SCIN: variants seen among roughly 807,000 people sequenced by gnomAD.
SCIN encodes adseverin.
In SCIN, 91 loss-of-function variants were observed where a neutral mutation model predicts 91.8. The observed-to-expected ratio is 0.99, with a 90% CI of 0.84 to 1.18. The LOEUF is 1.18. Ranked by LOEUF, SCIN falls within the 50% of genes most tolerant of loss-of-function variation. SCIN has a pLI of 0.00. For synonymous variants in SCIN, 367 were observed against 312.6 expected (o/e 1.17, Z -1.84); for missense variants, 1,087 against 863.9 (o/e 1.26, Z -3.24).
rs1415297514 is a variant in SCIN at position 12,645,042 on chromosome 7, G to A, written c.1881+337G>A. Among the ~76,000 whole-genome samples the A allele has an allele frequency of 3.8e-5, 5 of 133,236 alleles. No individual in the cohort carries two copies. In the East Asian group the frequency reaches 8.7e-4, roughly 23 times the overall value. 87.4% of individuals were successfully genotyped at this position (133,236 alleles called of 152,430 possible). A position where few individuals can be genotyped will look rare whatever the true frequency, so the allele number is the denominator to read the frequency against. ...TTAAAAAAAAAAAAAAAAAAGGGCC[G>A]GGCGCGGTGGCTCATGCCTGTAATC... On this transcript the variant is annotated intron_variant, in intron 13 of 15. Transcript: ENST00000297029.
chr7:12,638,248 T>C (rs979699444), intron 10 of SCIN, among the ~76,000 whole-genome samples: 1 of 152,204 alleles, frequency 6.6e-6, no homozygotes, highest in African/African-American at 2.4e-5. Flanking sequence ...TACTTTCTTG[T>C]TCCTTTTTCC....
In SCIN at chr7:12,658,443, A is replaced by G. The variant is rs1784207992; in HGVS notation, c.*5728A>G. On this transcript the variant is annotated 3_prime_UTR_variant, in exon 16 of 16. Coordinates refer to ENST00000297029, the MANE Select transcript of SCIN (RefSeq NM_001112706.3). ...TGTAGGTGAAAATCTCTCCTAATGCATTCCCTTTCCAACGAACCTGAGCCT... is the reference window on the plus strand; with the variant it reads ...TGTAGGTGAAAATCTCTCCTAATGCGTTCCCTTTCCAACGAACCTGAGCCT... 1 of 152,212 alleles carries G rather than the reference A, an allele frequency of 6.6e-6. No individual in the cohort carries two copies. Among genetic ancestry groups the G allele is most frequent in the Non-Finnish European group, 1.5e-5 (1 of 68,034 alleles). The allele number at this position is 152,212 out of a possible 1,614,324, so 9.4% of individuals were successfully genotyped here. A position where few individuals can be genotyped will look rare whatever the true frequency, so the allele number is the denominator to read the frequency against.
At chr7:12,571,406 A>G in intron 1 of SCIN, 1 of 337,990 alleles carries the variant, frequency 3.0e-6, no homozygotes, top group South Asian at 2.6e-5. Flanking sequence ...AGGAAGTCAT[A>G]AAGTCTGGGG....
intron 1 of SCIN, chr7:12,571,512 C>T (rs773374032): frequency 1.7e-5 from 7 of 405,386 alleles, no homozygotes; most frequent in Admixed American, 3.5e-5. Context: ...TCTATGATTG[C>T]GGGAATTATT....
At chr7:12,649,115 G>GA (rs1784027672) in intron 13 of SCIN, among the ~76,000 whole-genome samples, 4 of 152,092 alleles carry the variant, frequency 2.6e-5, no homozygotes, top group African/African-American at 9.7e-5. Flanking sequence ...CTAATTATTT[G>GA]CAGAAAAAAA....
At position 12,570,749 on chromosome 7, in the gene SCIN, G is replaced by A. The variant is rs1305068382; in HGVS notation, c.-38G>A. 5.8e-6 allele frequency: 9 copies of A among 1,541,862 alleles called. No individual in the cohort carries two copies. Among genetic ancestry groups the A allele is most frequent in the Middle Eastern group, 1.7e-4 (1 of 5,982 alleles). ...GCTCTCGGTTTAGTCCAAGATCAGC[G>A]ATATCACGCGTCCCCCGGAGCATCG... is the stretch of plus-strand genomic sequence containing the variant. On this transcript the variant is annotated 5_prime_UTR_variant, in exon 1 of 16. Coordinates refer to ENST00000297029, the MANE Select transcript of SCIN (RefSeq NM_001112706.3).
At chr7:12,582,148 C>T (rs1220850198) in intron 3 of SCIN, among the ~76,000 whole-genome samples, 1 of 152,184 alleles carries the variant, frequency 6.6e-6, no homozygotes, top group East Asian at 1.9e-4. Context: ...ATGGAATTTG[C>T]TCAAGGTTGC....
intron 4 of SCIN, among the ~76,000 whole-genome samples, chr7:12,606,443 T>C (rs923130125): frequency 1.3e-5 from 2 of 152,196 alleles, no homozygotes; most frequent in African/African-American, 4.8e-5. Flanking sequence ...AATCCAGTGA[T>C]CAGAAATTAT....
intron 4 of SCIN, among the ~76,000 whole-genome samples, chr7:12,621,406 G>A (rs1283717880): frequency 6.6e-6 from 1 of 152,110 alleles, no homozygotes; most frequent in Admixed American, 6.6e-5. Context: ...GGGAATTGTG[G>A]TCTGAAAATT....
At chr7:12,640,632 A>T (rs1783840075) in intron 11 of SCIN, 115 bp downstream of exon 11, 2 of 924,910 alleles carry the variant, frequency 2.2e-6, no homozygotes, top group Admixed American at 8.0e-5. Flanking sequence ...TCATTCCTAT[A>T]ATTAATCCAC....
intron 5 of SCIN, among the ~76,000 whole-genome samples, chr7:12,624,575 T>C (rs2115272745): frequency 6.6e-6 from 1 of 152,322 alleles, no homozygotes; most frequent in African/African-American, 2.4e-5. Flanking sequence ...TGTGTGTATG[T>C]AATGATTTTA....
chr7:12,614,218 C>G (rs893780128), intron 4 of SCIN, among the ~76,000 whole-genome samples: 2 of 152,314 alleles, frequency 1.3e-5, no homozygotes, highest in African/African-American at 2.4e-5. Flanking sequence ...AGATGGCTCA[C>G]TGGTAGGCTG....
intron 2 of SCIN, among the ~76,000 whole-genome samples, chr7:12,580,719 A>G (rs1248958469): frequency 1.3e-5 from 2 of 152,150 alleles, no homozygotes; most frequent in Non-Finnish European, 2.9e-5. Context: ...TGCCTTGCTC[A>G]TTATTGATTT....
intron 14 of SCIN, among the ~76,000 whole-genome samples, chr7:12,650,487 A>G (rs1360644393): frequency 6.6e-6 from 1 of 152,118 alleles, no homozygotes; most frequent in Non-Finnish European, 1.5e-5. Context: ...GCCACATTTC[A>G]TTTTTTAAAA....
chr7:12,573,707 C>G (rs1279225939), intron 1 of SCIN, among the ~76,000 whole-genome samples: 1 of 152,160 alleles, frequency 6.6e-6, no homozygotes, highest in African/African-American at 2.4e-5. Context: ...AGTAAAACTG[C>G]TCCCTGTCAC....
At chr7:12,640,914 G>T (rs1783845103) in intron 11 of SCIN, among the ~76,000 whole-genome samples, 1 of 152,120 alleles carries the variant, frequency 6.6e-6, no homozygotes, top group Non-Finnish European at 1.5e-5. Context: ...AACAAATATG[G>T]GAGGCATGTC....
intron 3 of SCIN, among the ~76,000 whole-genome samples, chr7:12,595,041 G>A (rs1224891393): frequency 1.3e-5 from 2 of 152,090 alleles, no homozygotes; most frequent in African/African-American, 2.4e-5. Flanking sequence ...TGATAGGAGA[G>A]AGAGAGAGAG....
At chr7:12,640,941 G>C (rs990576206) in intron 11 of SCIN, among the ~76,000 whole-genome samples, 5 of 152,164 alleles carry the variant, frequency 3.3e-5, no homozygotes, top group Non-Finnish European at 7.3e-5. Flanking sequence ...CACTGGACCA[G>C]AACCATAACT....
At chr7:12,592,354 G>A (rs1332718672) in intron 3 of SCIN, among the ~76,000 whole-genome samples, 1 of 152,124 alleles carries the variant, frequency 6.6e-6, no homozygotes, top group Non-Finnish European at 1.5e-5. Flanking sequence ...GGATAGGGGT[G>A]TTATATGGAG....
Sources: gnomAD v4.1 joint callset for allele counts (sites outside exome capture counted in the v4.1 genomes callset) on GRCh38, gnomAD v4.1.1 for gene constraint, MANE v1.5 for transcripts, NCBI Gene and HGNC (gene_info 2026-07-23, HGNC 2026-07-21) for gene names.